MACROD2: variants seen among roughly 807,000 people sequenced by gnomAD.
MACROD2 encodes ADP-ribose glycohydrolase MACROD2.
A neutral mutation model predicts 70.4 loss-of-function variants in MACROD2; 36 were observed. That is an observed-to-expected ratio of 0.51 (90% CI 0.39 to 0.68). MACROD2 has a LOEUF of 0.68. Among genes scored for constraint, MACROD2 ranks in the 30% least tolerant of loss-of-function variants. The pLI is 0.00. For missense variants in MACROD2, 496 were observed against 538.4 expected, an observed-to-expected ratio of 0.92 and a Z score of 0.78; for synonymous variants, 172 against 178.8, an observed-to-expected ratio of 0.96 and a Z score of 0.30.
rs572904828 is a variant in MACROD2 at position 14,558,390 on chromosome 20, G to C, written c.301+64882G>C. On this transcript the variant is annotated intron_variant, in intron 4 of 17. Transcript: ENST00000684519. The stretch of plus-strand genomic sequence containing the variant: ...AATGGTCTAAATAAACTAATTAAAA[G>C]ACAGATTTTGACATAATAGATAAAA... 1.5e-4 allele frequency among the ~76,000 whole-genome samples: 23 copies of C among 151,764 alleles called. 1 individual carries two copies. The South Asian group carries it at 4.8e-3, about 31-fold the overall frequency.
chr20:14,812,285 C>G (rs974425541), intron 5 of MACROD2, among the ~76,000 whole-genome samples: 11 of 151,964 alleles, frequency 7.2e-5, no homozygotes, highest in African/African-American at 2.7e-4. Context: ...ATGGGTGAAG[C>G]TGGAACCCAT....
At chr20:15,107,548 C>G (rs1030943722) in intron 5 of MACROD2, among the ~76,000 whole-genome samples, 1 of 145,368 alleles carries the variant, frequency 6.9e-6, no homozygotes, top group Admixed American at 6.9e-5. Context: ...TGCTTCCTAT[C>G]TTTTTTTTTT....
chr20:15,975,651 T>C (rs1474960797), intron 13 of MACROD2, among the ~76,000 whole-genome samples: 1 of 152,200 alleles, frequency 6.6e-6, no homozygotes, highest in Non-Finnish European at 1.5e-5. Flanking sequence ...TTTTTGCATA[T>C]GTCTGCATCT....
In MACROD2 at chr20:15,700,711, C is replaced by A. The variant is rs73242499; in HGVS notation, c.646-162034C>A. On this transcript the variant is annotated intron_variant, in intron 8 of 17. Coordinates refer to ENST00000684519, the MANE Select transcript of MACROD2 (RefSeq NM_001351661.2). Reference sequence around the variant, plus strand: ...GTATTAGATTAGTGGTTTTCAAAGTCCGTTAGATGGTAAAGTGCCTGCAAG... The same window carrying A: ...GTATTAGATTAGTGGTTTTCAAAGTACGTTAGATGGTAAAGTGCCTGCAAG... 4.2e-3 allele frequency among the ~76,000 whole-genome samples: 635 copies of A among 152,242 alleles called. 5 individuals are homozygous for A. Among genetic ancestry groups the A allele is most frequent in the African/African-American group, 0.014 (600 of 41,540 alleles).
chr20:14,222,126 C>T (rs753006581), intron 3 of MACROD2, among the ~76,000 whole-genome samples: 6 of 152,240 alleles, frequency 3.9e-5, no homozygotes, highest in Middle Eastern at 6.8e-3. Context: ...AGCAATCCCA[C>T]TATGGTGTAT....
rs7266278 is a variant in MACROD2 at position 15,914,860 on chromosome 20, T to C, written c.776-18416T>C. 3.5e-3 allele frequency among the ~76,000 whole-genome samples: 530 copies of C among 152,282 alleles called. 5 individuals carry two copies. Among genetic ancestry groups the C allele is most frequent in the African/African-American group, 0.012 (500 of 41,558 alleles). On this transcript the variant is annotated intron_variant, in intron 10 of 17. Coordinates refer to ENST00000684519, the MANE Select transcript of MACROD2 (RefSeq NM_001351661.2). ...CATAAAGTTGAGGGGTTCCCATGAC[T>C]CTTTCTTGGGTTTGATAATTTGCTG...
At chr20:15,908,257 A>G (rs1283149334) in intron 10 of MACROD2, among the ~76,000 whole-genome samples, 1 of 152,184 alleles carries the variant, frequency 6.6e-6, no homozygotes, top group Non-Finnish European at 1.5e-5. Context: ...ACAAAAAGAC[A>G]TTTATTCTCT....
At chr20:14,562,988 C>G (rs961833551) in intron 4 of MACROD2, among the ~76,000 whole-genome samples, 26 of 152,010 alleles carry the variant, frequency 1.7e-4, no homozygotes, top group African/African-American at 6.3e-4. Flanking sequence ...CCTCCTGGAT[C>G]TGATTTACCT....
chr20:14,044,442 G>A lies in MACROD2; in HGVS notation c.164-41179G>A, dbSNP rs144813141. 3.4e-3 allele frequency among the ~76,000 whole-genome samples: 514 copies of A among 152,258 alleles called. 12 individuals are homozygous for A. Among genetic ancestry groups the A allele is most frequent in the Admixed American group, 0.03 (466 of 15,290 alleles). Reference sequence around the variant, plus strand: ...ACCTGAGCGGGTTGCCACTGCTGGCGTGGCAGCCTGCTTTTATTCTCTTAT... The same window carrying A: ...ACCTGAGCGGGTTGCCACTGCTGGCATGGCAGCCTGCTTTTATTCTCTTAT... On this transcript the variant is annotated intron_variant, in intron 2 of 17. Coordinates refer to ENST00000684519, the MANE Select transcript of MACROD2 (RefSeq NM_001351661.2).
chr20:14,420,975 G>A (rs2083870666), intron 3 of MACROD2, among the ~76,000 whole-genome samples: 1 of 152,226 alleles, frequency 6.6e-6, no homozygotes, highest in African/African-American at 2.4e-5. Flanking sequence ...TTACAGGCAT[G>A]AGCTACTATG....
chr20:14,188,532 A>G (rs1438903796), intron 3 of MACROD2, among the ~76,000 whole-genome samples: 3 of 152,148 alleles, frequency 2.0e-5, no homozygotes, highest in Admixed American at 6.5e-5. Context: ...ACTTAATTCC[A>G]TGCTTTCAGG....
At chr20:15,994,639 T>A (rs1235572280) in intron 15 of MACROD2, among the ~76,000 whole-genome samples, 1 of 152,228 alleles carries the variant, frequency 6.6e-6, no homozygotes, top group East Asian at 1.9e-4. Flanking sequence ...ATAAAGAATT[T>A]AAAACTCATT....
chr20:16,001,589 C>T lies in MACROD2; in HGVS notation c.1153+14431C>T, dbSNP rs75477521. Among the ~76,000 whole-genome samples the T allele has an allele frequency of 6.9e-3, 1,053 of 152,202 alleles. 17 individuals carry two copies. The highest frequency in any genetic ancestry group is 0.066 in the East Asian group (341 of 5,172). ...AGAGATGTTGTCATAGTTTATTAGC[C>T]TTCATTTTAAATTGAACCTAATTTT... On this transcript the variant is annotated intron_variant, in intron 15 of 17. Transcript: ENST00000684519.
At chr20:15,527,016 G>A (rs1000842330) in intron 8 of MACROD2, among the ~76,000 whole-genome samples, 10 of 152,264 alleles carry the variant, frequency 6.6e-5, no homozygotes, top group East Asian at 1.9e-4. Context: ...AACAGTTGTC[G>A]TGGGTGAATG....
At chr20:15,756,030 G>A (rs913607320) in intron 8 of MACROD2, among the ~76,000 whole-genome samples, 1 of 152,144 alleles carries the variant, frequency 6.6e-6, no homozygotes, top group Non-Finnish European at 1.5e-5. Context: ...ACCTCAGGTT[G>A]CAGGGAGCCA....
intron 5 of MACROD2, among the ~76,000 whole-genome samples, chr20:15,226,315 T>G (rs2076905750): frequency 6.6e-6 from 1 of 152,220 alleles, no homozygotes; most frequent in Admixed American, 6.5e-5. Flanking sequence ...TTCCTGCCTG[T>G]GTGCTGAGGA....
chr20:15,742,137 A>G (rs1295160938), intron 8 of MACROD2, among the ~76,000 whole-genome samples: 1 of 152,152 alleles, frequency 6.6e-6, no homozygotes, highest in Non-Finnish European at 1.5e-5. Flanking sequence ...TTATAGTATA[A>G]ATATTATCTG....
At chr20:14,430,751 T>C (rs2083986378) in intron 3 of MACROD2, among the ~76,000 whole-genome samples, 1 of 152,114 alleles carries the variant, frequency 6.6e-6, no homozygotes. Context: ...GTTGTAACCA[T>C]GTGACTAAGT....
chr20:15,419,795 C>T (rs146692072), intron 6 of MACROD2, among the ~76,000 whole-genome samples: 73 of 152,262 alleles, frequency 4.8e-4, no homozygotes, highest in African/African-American at 1.7e-3. Context: ...GATACATGTT[C>T]CTTAATTATG....
Sources: allele counts gnomAD v4.1 joint callset (sites outside exome capture counted in the v4.1 genomes callset), GRCh38; gene constraint gnomAD v4.1.1; transcripts MANE v1.5; gene names NCBI Gene and HGNC (gene_info 2026-07-23, HGNC 2026-07-21).